Variants in CGGBP1 observed in about 807,000 individuals in gnomAD.
CGGBP1 encodes the protein CGG triplet repeat-binding protein 1.
In CGGBP1, 4 loss-of-function variants were observed where a neutral mutation model predicts 11.4. That is an observed-to-expected ratio of 0.35 (90% CI 0.17 to 0.80). The LOEUF is 0.80. Among genes scored for constraint, CGGBP1 ranks in the 30% least tolerant of loss-of-function variants. The pLI is 0.52. For synonymous variants in CGGBP1, 76 were observed against 74.1 expected, an observed-to-expected ratio of 1.03 and a Z score of -0.13; for missense variants, 135 against 202.1, an observed-to-expected ratio of 0.67 and a Z score of 2.01.
At chr3:88,142,296 CAA>C (rs77096741) in intron 1 of CGGBP1, 3 of 151,032 alleles carry the variant, frequency 2.0e-5, no homozygotes, top group Non-Finnish European at 4.4e-5. Context: ...AAAAACAAAA[CAA>C]AAAAAACCAC....
chr3:88,104,730 T>A (rs1704629204), intron 2 of CGGBP1, among the ~76,000 whole-genome samples: 1 of 152,160 alleles, frequency 6.6e-6, no homozygotes, highest in East Asian at 1.9e-4. Context: ...CTAAATGGAA[T>A]CTTAAAATTG....
chr3:88,113,045 C>G, intron 2 of CGGBP1: 3 of 1,059,106 alleles, frequency 2.8e-6, no homozygotes, highest in Non-Finnish European at 4.1e-6. Context: ...ATAGCTGATA[C>G]TGTTTGATAA....
At position 88,055,107 on chromosome 3, in the gene CGGBP1, TCAATC is replaced by T. The variant is rs1314379335; in HGVS notation, c.*361_*365del. ...GGCAGCAGCTTCAATAGGCTAGTCT[TCAATC>T]CAAGTAATTAAGTAATCTCACAAGG... is the stretch of plus-strand genomic sequence containing the variant. On this transcript the variant is annotated 3_prime_UTR_variant, in exon 4 of 4. Coordinates refer to ENST00000482016, the MANE Select transcript of CGGBP1 (RefSeq NM_001008390.2). The surrounding 1 kb of genome is among the most constrained non-coding windows in gnomAD (Gnocchi z 4.2). 6.1e-6 allele frequency: 1 copy of T among 164,202 alleles called. No individual in the cohort carries two copies. Among genetic ancestry groups the T allele is most frequent in the Non-Finnish European group, 1.3e-5 (1 of 76,530 alleles). 10.2% of individuals were successfully genotyped at this position (164,202 alleles called of 1,614,324 possible). A position where few individuals can be genotyped will look rare whatever the true frequency, so the allele number is the denominator to read the frequency against.
chr3:88,061,372 G>T (rs571674881), upstream of CGGBP1, among the ~76,000 whole-genome samples: 1 of 152,156 alleles, frequency 6.6e-6, no homozygotes, highest in South Asian at 2.1e-4. Context: ...TTATGACTTC[G>T]CTACCTCCTG....
intron 2 of CGGBP1, among the ~76,000 whole-genome samples, chr3:88,080,394 G>C (rs532914364): frequency 6.0e-4 from 91 of 152,068 alleles, no homozygotes; most frequent in African/African-American, 2.2e-3. Flanking sequence ...TATCTGTACT[G>C]TCTTTATATC....
Position 88,139,355 on chromosome 3 carries a change from T to C in CGGBP1, c.-229+1615A>G, listed in dbSNP as rs1706982110. The C allele has an allele frequency of 1.2e-6, 2 of 1,612,788 alleles. 1 individual carries two copies. The highest frequency in any genetic ancestry group is 3.3e-5 in the Admixed American group (2 of 59,850). ...TTTTAGGTGGTCACATTGTAAGGCA[T>C]GCCCAGGCTCATCAGAAAAAAGGCA... On this transcript the variant is annotated intron_variant, in intron 2 of 3. Transcript: ENST00000462901.
chr3:88,091,845 T>G (rs1708648572), intron 2 of CGGBP1, among the ~76,000 whole-genome samples: 2 of 152,160 alleles, frequency 1.3e-5, no homozygotes, highest in South Asian at 4.1e-4. Flanking sequence ...TTGTGAGGCC[T>G]CCTCAGCCAT....
Position 88,055,926 on chromosome 3 carries a change from A to C in CGGBP1, c.51T>G (p.Thr17=), listed in dbSNP as rs1393421682. 6.2e-7 allele frequency: 1 copy of C among 1,614,172 alleles called. No individual in the cohort carries two copies. The highest frequency in any genetic ancestry group is 1.3e-5 in the African/African-American group (1 of 75,044). The change falls in exon 4 of 4, where the codon ACT becomes ACG. Residue 17 remains threonine (T), a synonymous_variant. Transcript: ENST00000482016. The surrounding 1 kb of genome is among the most constrained non-coding windows in gnomAD (Gnocchi z 4.2). ...GATCCAGGGGAGTCACATACAAAGC[A>C]GTCTTAGAACGGTTTCGAGCAGGTG... The part of the protein sequence containing the change: ...TAPPARNRSK[T]ALYVTPLDRV...
Position 88,052,761 on chromosome 3 carries a change from A to G in CGGBP1, c.*2712T>C, listed in dbSNP as rs1451260004. 1.3e-5 allele frequency: 2 copies of G among 152,556 alleles called. No individual in the cohort carries two copies. The highest frequency in any genetic ancestry group is 4.8e-5 in the African/African-American group (2 of 41,452). The allele number at this position is 152,556 out of a possible 1,614,324, so 9.5% of individuals were successfully genotyped here. A position where few individuals can be genotyped will look rare whatever the true frequency, so the allele number is the denominator to read the frequency against. On this transcript the variant is annotated 3_prime_UTR_variant, in exon 4 of 4. Coordinates refer to ENST00000482016, the MANE Select transcript of CGGBP1 (RefSeq NM_001008390.2). ...AGATGATAATGGATAAAACAACTAT[A>G]TAGGCTCTCATACACAATCTTTCTT...
intron 2 of CGGBP1, among the ~76,000 whole-genome samples, chr3:88,117,993 G>A (rs1237337458): frequency 6.6e-6 from 1 of 150,882 alleles, no homozygotes; most frequent in African/African-American, 2.4e-5. Context: ...TAAATTAAGA[G>A]AAACATAGAT....
chr3:88,142,867 A>T (rs1231620048), intron 1 of CGGBP1: 1 of 152,302 alleles, frequency 6.6e-6, no homozygotes, highest in Non-Finnish European at 1.5e-5. Context: ...TTTCCTAAGA[A>T]GATTTTAACT....
chr3:88,075,490 C>G (rs578253200), intron 2 of CGGBP1, among the ~76,000 whole-genome samples: 1 of 152,178 alleles, frequency 6.6e-6, no homozygotes, highest in Non-Finnish European at 1.5e-5. Flanking sequence ...AGTGGAACTA[C>G]TTTTGTTGTT....
At chr3:88,092,002 T>C (rs139415612) in intron 2 of CGGBP1, among the ~76,000 whole-genome samples, 300 of 152,328 alleles carry the variant, frequency 2.0e-3, no homozygotes, top group Non-Finnish European at 3.5e-3. Context: ...GAAGCAAATC[T>C]TATCTAAGAT....
chr3:88,054,172 G>A lies in CGGBP1; in HGVS notation c.*1301C>T, dbSNP rs531692220. On this transcript the variant is annotated 3_prime_UTR_variant, in exon 4 of 4. Transcript: ENST00000482016. The stretch of plus-strand genomic sequence containing the variant: ...ACTGCTTTGTAATAGAAATATATAA[G>A]TATTTTTAACTTGAATTTCAAAGAA... 33 of 152,610 alleles carry A rather than the reference G, an allele frequency of 2.2e-4. No individual in the cohort carries two copies. The highest frequency in any genetic ancestry group is 6.2e-4 in the South Asian group (3 of 4,832). 9.5% of individuals were successfully genotyped at this position (152,610 alleles called of 1,614,324 possible).
intron 2 of CGGBP1, among the ~76,000 whole-genome samples, chr3:88,084,286 T>C (rs1708229694): frequency 6.6e-6 from 1 of 152,110 alleles, no homozygotes; most frequent in Non-Finnish European, 1.5e-5. Context: ...AGGGAGCAGA[T>C]AAGGTTGCAA....
In CGGBP1 at chr3:88,055,886, C is replaced by T; in HGVS notation, c.91G>A (p.Gly31Arg). Residue 31 changes from glycine (G) to arginine (R), a missense_variant, in exon 4 of 4, where the codon GGA (glycine) becomes AGA (arginine). Physicochemically the swap from Gly to Arg is moderately radical, Grantham distance 125. Coordinates refer to ENST00000482016, the MANE Select transcript of CGGBP1 (RefSeq NM_001008390.2). This position sits in a 1 kb window ranked among gnomAD's most constrained non-coding sequence, Gnocchi z 4.2. ...VTPLDRVTEF[G>R]GELHEDGGKL... Reference sequence around the variant, plus strand: ...CCTCCATCTTCATGCAGCTCACCTCCAAACTCAGTGACTCGATCCAGGGGA... The same window carrying T: ...CCTCCATCTTCATGCAGCTCACCTCTAAACTCAGTGACTCGATCCAGGGGA... 1.2e-6 allele frequency: 2 copies of T among 1,614,180 alleles called. No homozygotes were observed. Among genetic ancestry groups the T allele is most frequent in the Non-Finnish European group, 1.7e-6 (2 of 1,180,036 alleles).
intron 2 of CGGBP1, among the ~76,000 whole-genome samples, chr3:88,093,374 A>G (rs1038687544): frequency 7.2e-5 from 11 of 152,274 alleles, no homozygotes; most frequent in African/African-American, 2.4e-4. Context: ...CTTTTACCCA[A>G]CAGAAAGTAA....
chr3:88,090,241 C>T (rs1386452575), intron 2 of CGGBP1, among the ~76,000 whole-genome samples: 1 of 152,140 alleles, frequency 6.6e-6, no homozygotes, highest in Non-Finnish European at 1.5e-5. Context: ...AAGGTAACAG[C>T]TTCATGCATG....
intron 2 of CGGBP1, among the ~76,000 whole-genome samples, chr3:88,090,779 G>A (rs1708590679): frequency 6.6e-6 from 1 of 152,062 alleles, no homozygotes; most frequent in Non-Finnish European, 1.5e-5. Context: ...CAATCTTATG[G>A]CTTCCCTGGC....
Sources: gnomAD v4.1 joint callset for allele counts (sites outside exome capture counted in the v4.1 genomes callset) on GRCh38, gnomAD v4.1.1 for gene constraint, Gnocchi (gnomAD v3.1) non-coding constraint, MANE v1.5 for transcripts, NCBI Gene and HGNC (gene_info 2026-07-23, HGNC 2026-07-21) for gene names.